The following MLIP variants were observed in gnomAD, a reference collection of about 807,000 sequenced individuals.
MLIP encodes the protein muscular LMNA interacting protein.
A neutral mutation model predicts 84.8 loss-of-function variants in MLIP; 79 were observed. The ratio of observed to expected loss-of-function variants is 0.93; its 90% confidence interval spans 0.78 to 1.12. The LOEUF (loss-of-function observed/expected upper bound fraction) is 1.12, where lower values mean the gene tolerates loss of function less well. Among genes scored for constraint, MLIP ranks in the 50% most tolerant of loss-of-function variants. MLIP has a pLI of 0.00. For synonymous variants in MLIP, 504 were observed against 463.0 expected (o/e 1.09, Z -1.14); for missense variants, 1,257 against 1,160.6 (o/e 1.08, Z -1.21).
At chr6:54,056,835 A>G (rs1765689140) in intron 1 of MLIP, among the ~76,000 whole-genome samples, 1 of 152,242 alleles carries the variant, frequency 6.6e-6, no homozygotes, top group Non-Finnish European at 1.5e-5. Flanking sequence ...TCATAATATT[A>G]GTTTAATTCA....
intron 1 of MLIP, among the ~76,000 whole-genome samples, chr6:54,043,947 G>C (rs1419545350): frequency 6.6e-6 from 1 of 152,140 alleles, no homozygotes; most frequent in African/African-American, 2.4e-5. Context: ...GACTGGAGTG[G>C]GGTGTTGGCT....
At chr6:54,034,774 G>A (rs114541201) in intron 1 of MLIP, among the ~76,000 whole-genome samples, 1 of 152,072 alleles carries the variant, frequency 6.6e-6, no homozygotes, top group Non-Finnish European at 1.5e-5. Flanking sequence ...TAGCTTAAGT[G>A]CACAGTGTTT....
At position 54,111,447 on chromosome 6, in the gene MLIP, A is replaced by G; in HGVS notation, c.-33A>G. 6.5e-7 allele frequency: 1 copy of G among 1,535,600 alleles called. No homozygotes were observed. ...ATGAGGCTCCCTTCCCACCTCAGTC[A>G]TTGGTTTGCTCGCTCCCTTATGTGA... On this transcript the variant is annotated 5_prime_UTR_variant, in exon 1 of 14. Transcript: ENST00000502396.
chr6:54,083,679 T>C, intron 1 of MLIP: 2 of 1,490,964 alleles, frequency 1.3e-6, no homozygotes, highest in Admixed American at 2.0e-5. Context: ...ACATTTAACA[T>C]CAATGATAGC....
chr6:54,227,561 CAAAAAG>C (rs1780664765), intron 11 of MLIP, among the ~76,000 whole-genome samples: 1 of 152,030 alleles, frequency 6.6e-6, no homozygotes, highest in South Asian at 2.1e-4. Flanking sequence ...TTATTGAGGA[CAAAAAG>C]AAATCCTGTG....
intron 11 of MLIP, among the ~76,000 whole-genome samples, chr6:54,226,225 A>C (rs1780561205): frequency 6.6e-6 from 1 of 152,230 alleles, no homozygotes; most frequent in East Asian, 1.9e-4. Context: ...AGAGGAAAAC[A>C]GGATTTCTGG....
chr6:54,232,293 A>G (rs549871559), intron 12 of MLIP, among the ~76,000 whole-genome samples: 1 of 152,146 alleles, frequency 6.6e-6, no homozygotes, highest in South Asian at 2.1e-4. Flanking sequence ...GTTACATGAT[A>G]TAGCTCATTG....
rs115075507 is a variant in MLIP at position 54,042,714 on chromosome 6, C to T, written c.63+23623C>T. Among the ~76,000 whole-genome samples the T allele has an allele frequency of 3.5e-3, 539 of 152,222 alleles. 1 individual carries two copies. The highest frequency in any genetic ancestry group is 5.2e-3 in the Non-Finnish European group (351 of 68,008). Reference sequence around the variant, plus strand: ...ATCTGGAGTCATAAGACTATCATCACCAGGGACAATATACCTAATCTCTCC... The same window carrying T: ...ATCTGGAGTCATAAGACTATCATCATCAGGGACAATATACCTAATCTCTCC... On this transcript the variant is annotated intron_variant, in intron 1 of 12. Transcript: ENST00000274897.
At chr6:54,210,746 A>AAAAAG (rs879619211) in intron 11 of MLIP, among the ~76,000 whole-genome samples, 1 of 149,804 alleles carries the variant, frequency 6.7e-6, no homozygotes. Flanking sequence ...AAAAAAAAAA[A>AAAAAG]TGTTCTAATG....
chr6:54,232,610 G>A (rs1781081809), intron 12 of MLIP, among the ~76,000 whole-genome samples: 1 of 152,122 alleles, frequency 6.6e-6, no homozygotes, highest in Non-Finnish European at 1.5e-5. Context: ...TAAAGTACAT[G>A]AATTACCAAT....
At chr6:54,028,407 A>C (rs1023532131) in intron 1 of MLIP, among the ~76,000 whole-genome samples, 1 of 152,134 alleles carries the variant, frequency 6.6e-6, no homozygotes, top group African/African-American at 2.4e-5. Flanking sequence ...CAGTTGAGAG[A>C]GCTCATAGGA....
intron 1 of MLIP, among the ~76,000 whole-genome samples, chr6:54,039,971 T>C (rs961516791): frequency 1.3e-5 from 2 of 152,004 alleles, no homozygotes; most frequent in African/African-American, 2.4e-5. Flanking sequence ...GCAAACCCAA[T>C]GCATTTGGCC....
intron 2 of MLIP, among the ~76,000 whole-genome samples, chr6:54,123,640 G>A (rs1309401566): frequency 6.6e-6 from 1 of 152,112 alleles, no homozygotes; most frequent in Non-Finnish European, 1.5e-5. Flanking sequence ...TCATTTAGTG[G>A]CATAACTCTC....
At chr6:54,133,816 C>A (rs560273487) in intron 3 of MLIP, among the ~76,000 whole-genome samples, 2 of 152,150 alleles carry the variant, frequency 1.3e-5, no homozygotes, top group African/African-American at 4.8e-5. Context: ...TGAATGTTTT[C>A]CAGAGTTCCA....
chr6:54,200,872 A>G (rs1778631268), intron 10 of MLIP, among the ~76,000 whole-genome samples: 1 of 152,218 alleles, frequency 6.6e-6, no homozygotes, highest in Admixed American at 6.5e-5. Flanking sequence ...CATTTATTCA[A>G]GACTCAAAAT....
At chr6:54,156,727 G>A (rs1197765530) in intron 5 of MLIP, among the ~76,000 whole-genome samples, 1 of 151,768 alleles carries the variant, frequency 6.6e-6, no homozygotes, top group African/African-American at 2.4e-5. Flanking sequence ...TTATTCATTG[G>A]TTTACCCAGT....
intron 3 of MLIP, among the ~76,000 whole-genome samples, chr6:54,130,835 G>T (rs1267815505): frequency 6.6e-6 from 1 of 152,034 alleles, no homozygotes. Context: ...CAGCACATAA[G>T]AACAGGGTGG....
chr6:54,220,972 T>C (rs1780181042), intron 11 of MLIP, among the ~76,000 whole-genome samples: 1 of 152,130 alleles, frequency 6.6e-6, no homozygotes, highest in South Asian at 2.1e-4. Flanking sequence ...TAAAACTCTG[T>C]TCATGAGAAG....
rs1770833741 is a variant in MLIP at position 54,125,330 on chromosome 6, C to A, written c.645+465C>A. ...AGTAAAAGACTAGTAAAAGGATAAA[C>A]TAGGAAATAAGAGTAAGAAAAATAA... On this transcript the variant is annotated intron_variant, in intron 3 of 13. Coordinates refer to ENST00000502396, the MANE Select transcript of MLIP (RefSeq NM_001281747.2). Among the ~76,000 whole-genome samples, 3 of 152,208 alleles carry A rather than the reference C, an allele frequency of 2.0e-5. No individual in the cohort carries two copies. In the South Asian group the frequency reaches 6.2e-4, roughly 32 times the overall value.
Sources: allele counts gnomAD v4.1 joint callset (sites outside exome capture counted in the v4.1 genomes callset), GRCh38; gene constraint gnomAD v4.1.1; transcripts MANE v1.5; gene names NCBI Gene and HGNC (gene_info 2026-07-23, HGNC 2026-07-21).